Variants in TGFBR3 observed in about 807,000 individuals in gnomAD.
TGFBR3 encodes transforming growth factor beta receptor type 3.
TGFBR3 carries 46 observed loss-of-function variants against 87.9 expected under a neutral mutation model. The ratio of observed to expected loss-of-function variants is 0.52; its 90% CI spans 0.41 to 0.67. The LOEUF is 0.67. Ranked by LOEUF, TGFBR3 falls within the 30% of genes least tolerant of loss-of-function variation. The pLI is 0.00. For synonymous variants in TGFBR3, 381 were observed against 391.6 expected, an observed-to-expected ratio of 0.97 and a Z score of 0.32; for missense variants, 866 against 1,041.9, an observed-to-expected ratio of 0.83 and a Z score of 2.32.
At position 91,768,212 on chromosome 1, in the gene TGFBR3, C is replaced by CA. The variant is rs3039442; in HGVS notation, c.247-9463dup. Among the ~76,000 whole-genome samples, 488 of 127,356 alleles carry CA rather than the reference C, an allele frequency of 3.8e-3. 5 individuals are homozygous for CA. Among genetic ancestry groups the CA allele is most frequent in the Middle Eastern group, 0.012 (3 of 254 alleles). The allele number at this position is 127,356 out of a possible 152,430, so 83.6% of individuals were successfully genotyped here. A position where few individuals can be genotyped will look rare whatever the true frequency, so the allele number is the denominator to read the frequency against. On this transcript the variant is annotated intron_variant, in intron 3 of 16. Coordinates refer to ENST00000212355, the MANE Select transcript of TGFBR3 (RefSeq NM_003243.5). ...GGGCAACAAGAGCGAAACTCCATCTCAAAAAAAAAAAAAAAATAGAAGACT... is the reference window on the plus strand; with the variant it reads ...GGGCAACAAGAGCGAAACTCCATCTCAAAAAAAAAAAAAAAAATAGAAGACT...
intron 1 of TGFBR3, among the ~76,000 whole-genome samples, chr1:91,863,097 G>C (rs1042464785): frequency 6.6e-6 from 1 of 152,220 alleles, no homozygotes; most frequent in South Asian, 2.1e-4. Flanking sequence ...CTGCAGGACA[G>C]GGGTGGGAGG....
chr1:91,768,825 A>G (rs965864043), intron 3 of TGFBR3, among the ~76,000 whole-genome samples: 1 of 151,782 alleles, frequency 6.6e-6, no homozygotes, highest in Non-Finnish European at 1.5e-5. Context: ...AGTCTCGGGT[A>G]TTTCTTTATG....
chr1:91,874,602 A>G (rs1678713365), intron 1 of TGFBR3, among the ~76,000 whole-genome samples: 1 of 152,044 alleles, frequency 6.6e-6, no homozygotes, highest in Admixed American at 6.5e-5. Context: ...GGTTCAAGCG[A>G]TTCTCCTGCC....
At chr1:91,858,443 C>A (rs1678045145) in intron 2 of TGFBR3, among the ~76,000 whole-genome samples, 1 of 151,634 alleles carries the variant, frequency 6.6e-6, no homozygotes, top group Non-Finnish European at 1.5e-5. Flanking sequence ...GATGAAACCC[C>A]ATCTCTACTA....
intron 1 of TGFBR3, among the ~76,000 whole-genome samples, chr1:91,882,818 C>T (rs1438322677): frequency 1.3e-5 from 2 of 152,058 alleles, no homozygotes; most frequent in East Asian, 1.9e-4. Context: ...TTTATGTTTA[C>T]AAGTATGAGT....
intron 14 of TGFBR3, among the ~76,000 whole-genome samples, chr1:91,704,672 T>A (rs1671734390): frequency 6.6e-6 from 1 of 152,202 alleles, no homozygotes; most frequent in African/African-American, 2.4e-5. Flanking sequence ...TCTCCATCAC[T>A]ATCATCACCA....
intron 3 of TGFBR3, among the ~76,000 whole-genome samples, chr1:91,790,102 G>C (rs1204654018): frequency 6.6e-6 from 1 of 151,794 alleles, no homozygotes; most frequent in Non-Finnish European, 1.5e-5. Flanking sequence ...AGAGAAAAAA[G>C]AGAGAGAGAG....
At position 91,789,994 on chromosome 1, in the gene TGFBR3, C is replaced by T. The variant is rs17131561; in HGVS notation, c.246+7293G>A. Among the ~76,000 whole-genome samples, 1,478 of 152,188 alleles carry T rather than the reference C, an allele frequency of 9.7e-3. 27 individuals carry two copies. The highest frequency in any genetic ancestry group is 0.032 in the African/African-American group (1,317 of 41,500). On this transcript the variant is annotated intron_variant, in intron 3 of 16. Transcript: ENST00000212355. ...CCAATCCTATGTGGACAGACAGATT[C>T]AGTTGCCTTTGTAGGTAATGAAATG... is the stretch of plus-strand genomic sequence containing the variant.
intron 16 of TGFBR3, among the ~76,000 whole-genome samples, chr1:91,686,272 C>T (rs1434291471): frequency 6.6e-6 from 1 of 152,182 alleles, no homozygotes; most frequent in Non-Finnish European, 1.5e-5. Context: ...CATCCGTGCC[C>T]ATTAAAGAGA....
At chr1:91,894,137 T>C (rs1357462825) in intron 2 of TGFBR3, among the ~76,000 whole-genome samples, 1 of 152,176 alleles carries the variant, frequency 6.6e-6, no homozygotes, top group African/African-American at 2.4e-5. Context: ...AAAGTATCTT[T>C]GTCTTCCCAC....
intron 1 of TGFBR3, among the ~76,000 whole-genome samples, chr1:91,865,790 T>C (rs1427404903): frequency 4.6e-5 from 7 of 151,944 alleles, no homozygotes; most frequent in Non-Finnish European, 2.9e-5. Flanking sequence ...CAGGCACCTG[T>C]AGTCCCAGCT....
chr1:91,731,311 C>T (rs965709350), intron 5 of TGFBR3, among the ~76,000 whole-genome samples: 8 of 152,142 alleles, frequency 5.3e-5, no homozygotes, highest in African/African-American at 1.4e-4. Context: ...GTCCGCAGCA[C>T]ACACTGGGGC....
rs923869632 is a variant in TGFBR3 at position 91,846,328 on chromosome 1, A to G, written c.61+15143T>C. Among the ~76,000 whole-genome samples the G allele has an allele frequency of 4.6e-5, 7 of 152,230 alleles. No individual in the cohort carries two copies. In the South Asian group the frequency reaches 1.4e-3, roughly 32 times the overall value. On this transcript the variant is annotated intron_variant, in intron 2 of 16. Transcript: ENST00000212355. ...CCCATACCATTAATGGAACACTGCCAGACAGCCTTTGATAGGGTATTTCTA... is the reference window on the plus strand; with the variant it reads ...CCCATACCATTAATGGAACACTGCCGGACAGCCTTTGATAGGGTATTTCTA...
intron 3 of TGFBR3, among the ~76,000 whole-genome samples, chr1:91,775,549 C>G (rs1241572283): frequency 6.6e-6 from 1 of 152,236 alleles, no homozygotes; most frequent in African/African-American, 2.4e-5. Context: ...CTCTTCCTGT[C>G]ACTTGAATAC....
In TGFBR3 at chr1:91,738,512, G is replaced by A. The variant is rs147950840; in HGVS notation, c.385-3553C>T. On this transcript the variant is annotated intron_variant, in intron 4 of 16. Coordinates refer to ENST00000212355, the MANE Select transcript of TGFBR3 (RefSeq NM_003243.5). ...TTTAAAAGTGTGTGGCACCTCCCCC[G>A]ACACACGTTCTCTCTCTTGCTCCTG... is the stretch of plus-strand genomic sequence containing the variant. 8.5e-4 allele frequency among the ~76,000 whole-genome samples: 129 copies of A among 152,210 alleles called. 1 individual carries two copies. The Middle Eastern group carries it at 0.01, about 12-fold the overall frequency.
In TGFBR3 at chr1:91,683,012, C is replaced by G. The variant is rs772068416; in HGVS notation, c.*727G>C. The G allele has an allele frequency of 2.2e-6, 1 of 454,344 alleles. No homozygotes were observed. The allele number at this position is 454,344 out of a possible 1,614,324, so 28.1% of individuals were successfully genotyped here. On this transcript the variant is annotated 3_prime_UTR_variant, in exon 17 of 17. Transcript: ENST00000212355. ...AATTTCTGTAGGCCTGTAAGAAATA[C>G]AAAATTTGCATTAAGACATTTTGCA...
chr1:91,815,670 G>A (rs1031691520), intron 2 of TGFBR3, among the ~76,000 whole-genome samples: 6 of 152,164 alleles, frequency 3.9e-5, no homozygotes, highest in African/African-American at 1.2e-4. Context: ...GCCTCACCTG[G>A]AGTTAATACT....
chr1:91,886,895 C>T (rs796068716), upstream of TGFBR3, among the ~76,000 whole-genome samples: 9 of 152,282 alleles, frequency 5.9e-5, no homozygotes, highest in African/African-American at 2.2e-4. Flanking sequence ...CTCGGCGGGG[C>T]AACGTCCTAA....
intron 2 of TGFBR3, among the ~76,000 whole-genome samples, chr1:91,823,295 T>G (rs1190622579): frequency 1.3e-5 from 2 of 152,152 alleles, no homozygotes; most frequent in Non-Finnish European, 2.9e-5. Flanking sequence ...AAAACCAACA[T>G]AGGTACACAT....
Sources: gnomAD v4.1 joint callset for allele counts (sites outside exome capture counted in the v4.1 genomes callset) on GRCh38, gnomAD v4.1.1 for gene constraint, MANE v1.5 for transcripts, NCBI Gene and HGNC (gene_info 2026-07-23, HGNC 2026-07-21) for gene names.